Variants in SACS observed in about 807,000 individuals in gnomAD.
SACS encodes sacsin.
A neutral mutation model predicts 348.0 loss-of-function variants in SACS; 197 were observed. That is an observed-to-expected ratio of 0.57 (90% CI 0.50 to 0.64). The LOEUF is 0.64. Ranked by LOEUF, SACS falls within the 30% of genes least tolerant of loss-of-function variation. The probability of loss-of-function intolerance (pLI) is 0.00; values close to 1 mark genes in which losing one functional copy is unlikely to be tolerated. For synonymous variants in SACS, 1,985 were observed against 1,910.6 expected, an observed-to-expected ratio of 1.04 and a Z score of -1.02; for missense variants, 4,999 against 5,360.8, an observed-to-expected ratio of 0.93 and a Z score of 2.11.
Position 23,341,653 on chromosome 13 carries a change from T to G in SACS, c.2223A>C (p.Glu741Asp). 1 of 1,613,422 alleles carries G rather than the reference T, an allele frequency of 6.2e-7. No homozygotes were observed. The highest frequency in any genetic ancestry group is 1.1e-5 in the South Asian group (1 of 91,082). ...CTTCCTTGATAAGACGTGCAAATCG[T>G]TCTGGATTTAGAAGCTGCAGCTGAG... The part of the protein sequence containing the change: ...PCTQLQLLNP[E>D]RFARLIKEVM... The change falls in exon 10 of 10, where the codon GAA becomes GAC. Residue 741 changes from glutamate (E) to aspartate (D), a missense_variant. By Grantham distance (45) the Glu-to-Asp change is conservative (BLOSUM62 2). Coordinates refer to ENST00000382292, the MANE Select transcript of SACS (RefSeq NM_014363.6).
chr13:23,335,889 G>A lies in SACS; in HGVS notation c.7987C>T (p.Pro2663Ser). ...TCCAAATCTCTAAACATGCGTCCGG[G>A]ACTAATGGATGTGGCCCCTGGTGCA... ...RYAPGATSIS[P>S]GRMFRDLDAD... Residue 2663 changes from proline (P) to serine (S), a missense_variant, in exon 10 of 10, where the codon CCC becomes TCC. Transcript: ENST00000382292. The surrounding 1 kb of genome is among the most constrained non-coding windows in gnomAD (Gnocchi z 4.7). The A allele has an allele frequency of 6.2e-7, 1 of 1,613,662 alleles. No homozygotes were observed. The highest frequency in any genetic ancestry group is 1.1e-5 in the South Asian group (1 of 91,068).
chr13:23,393,624 A>G (rs752241494), intron 2 of SACS, among the ~76,000 whole-genome samples: 7 of 152,014 alleles, frequency 4.6e-5, no homozygotes, highest in African/African-American at 7.2e-5. Flanking sequence ...TCAAAAACCT[A>G]TATTTCTTCT....
chr13:23,413,562 A>G (rs1873583969), intron 1 of SACS, among the ~76,000 whole-genome samples: 1 of 152,168 alleles, frequency 6.6e-6, no homozygotes, highest in Non-Finnish European at 1.5e-5. Flanking sequence ...ACAATGTTTC[A>G]TTGTGGGGAA....
At chr13:23,345,544 G>GT (rs1869542850) in intron 9 of SACS, among the ~76,000 whole-genome samples, 1 of 152,170 alleles carries the variant, frequency 6.6e-6, no homozygotes. Flanking sequence ...TAACCAGACA[G>GT]TACCAGGGCA....
In SACS at chr13:23,337,905, C is replaced by T. The variant is rs191995849; in HGVS notation, c.5971G>A (p.Val1991Ile). Reference protein sequence around the residue: ...DGSTWVSMKNVRFLDDSILKR... With the variant: ...DGSTWVSMKNIRFLDDSILKR... ...AGTATAGAGTCATCTAGAAATCTTA[C>T]GTTCTTCATGGAAACCCAAGTAGAT... is the stretch of plus-strand genomic sequence containing the variant. The change falls in exon 10 of 10, where the codon GTA (valine) becomes ATA (isoleucine). Residue 1991 changes from valine to isoleucine, a missense_variant. By Grantham distance (29) the Val-to-Ile change is conservative. This residue lies in a region of SACS where 3,156 missense variants were observed against 3,380.1 expected (regional missense o/e 0.93). Coordinates refer to ENST00000382292, the MANE Select transcript of SACS (RefSeq NM_014363.6). The T allele has an allele frequency of 2.6e-5, 42 of 1,613,928 alleles. 1 individual carries two copies. In the Admixed American group the frequency reaches 4.7e-4, roughly 18 times the overall value.
intron 2 of SACS, among the ~76,000 whole-genome samples, chr13:23,402,806 A>G (rs1446261128): frequency 6.6e-6 from 1 of 152,198 alleles, no homozygotes; most frequent in Non-Finnish European, 1.5e-5. Context: ...AGAGGAATTC[A>G]CCCAAATATA....
intron 9 of SACS, among the ~76,000 whole-genome samples, chr13:23,346,397 GC>G (rs2137669861): frequency 6.6e-6 from 1 of 152,248 alleles, no homozygotes; most frequent in East Asian, 1.9e-4. Context: ...ACCTGCCTCT[GC>G]CTCCCAAAAT....
At chr13:23,364,763 C>T (rs1307892892) in intron 6 of SACS, among the ~76,000 whole-genome samples, 2 of 152,184 alleles carry the variant, frequency 1.3e-5, no homozygotes, top group Non-Finnish European at 2.9e-5. Flanking sequence ...TTTCTTCCCA[C>T]CCAACTTCCA....
intron 7 of SACS, among the ~76,000 whole-genome samples, chr13:23,357,512 AC>A (rs1278698061): frequency 4.6e-5 from 7 of 152,072 alleles, no homozygotes; most frequent in African/African-American, 1.4e-4. Flanking sequence ...GAATAGTACC[AC>A]CCTCCTTCAC....
chr13:23,392,217 A>C (rs1872554132), intron 2 of SACS, among the ~76,000 whole-genome samples: 1 of 152,124 alleles, frequency 6.6e-6, no homozygotes, highest in Admixed American at 6.5e-5. Context: ...CTCTCTTTCC[A>C]TCTTGCATTT....
chr13:23,353,465 C>T (rs750149435), intron 9 of SACS, among the ~76,000 whole-genome samples: 8 of 152,148 alleles, frequency 5.3e-5, no homozygotes, highest in African/African-American at 1.9e-4. Flanking sequence ...AAACAAGCTA[C>T]AAGTTATGCT....
chr13:23,390,507 A>T (rs554168183), intron 2 of SACS, among the ~76,000 whole-genome samples: 1 of 152,218 alleles, frequency 6.6e-6, no homozygotes, highest in African/African-American at 2.4e-5. Flanking sequence ...AAAAAATATA[A>T]AAATTAGCTG....
Position 23,338,677 on chromosome 13 carries a change from T to C in SACS, c.5199A>G (p.Lys1733=). The C allele has an allele frequency of 3.1e-6, 5 of 1,614,116 alleles. No homozygotes were observed. The highest frequency in any genetic ancestry group is 4.2e-6 in the Non-Finnish European group (5 of 1,179,998). ...ALNTPVLSVL[K]EAAKLMKTCS... is the part of the protein sequence containing the mutation. ...AAGTCTTCATGAGCTTAGCAGCCTC[T>C]TTTAAAACACTTAAGACAGGTGTGT... Residue 1733 remains lysine, a synonymous_variant, in exon 10 of 10, where the codon AAA becomes AAG. Coordinates refer to ENST00000382292, the MANE Select transcript of SACS (RefSeq NM_014363.6).
At chr13:23,401,214 C>G (rs1377410866) in intron 2 of SACS, among the ~76,000 whole-genome samples, 4 of 152,166 alleles carry the variant, frequency 2.6e-5, no homozygotes, top group African/African-American at 9.7e-5. Context: ...CAGGAAAACT[C>G]AAGCTGGGAA....
chr13:23,429,305 C>G (rs1216478176), intron 1 of SACS, among the ~76,000 whole-genome samples: 3 of 139,602 alleles, frequency 2.1e-5, no homozygotes, highest in African/African-American at 5.2e-5. Context: ...ACAACCATGG[C>G]AGAGGCTCAC....
chr13:23,389,552 T>C (rs145152238), intron 2 of SACS, among the ~76,000 whole-genome samples: 44 of 152,358 alleles, frequency 2.9e-4, no homozygotes, highest in African/African-American at 7.9e-4. Flanking sequence ...GCAAAGTACA[T>C]GTGCTCTACT....
rs562545712 is a variant in SACS at position 23,353,379 on chromosome 13, C to T, written c.2185+406G>A. The stretch of plus-strand genomic sequence containing the variant: ...AGGGCAAGTGGAAGACCTGACCTCT[C>T]GGCACTTGGCTGGTGGTCTTGATCT... On this transcript the variant is annotated intron_variant, in intron 9 of 9. Coordinates refer to ENST00000382292, the MANE Select transcript of SACS (RefSeq NM_014363.6). Among the ~76,000 whole-genome samples the T allele has an allele frequency of 1.7e-3, 255 of 152,320 alleles. 2 individuals carry two copies. Among genetic ancestry groups the T allele is most frequent in the African/African-American group, 5.8e-3 (243 of 41,578 alleles).
chr13:23,362,939 C>T (rs890957232), intron 6 of SACS, among the ~76,000 whole-genome samples: 10 of 151,048 alleles, frequency 6.6e-5, no homozygotes, highest in African/African-American at 1.2e-4. Context: ...GACAGAGTTT[C>T]GCCCTTGTTG....
rs774492331 is a variant in SACS, at chr13:23,337,946, T to C, written c.5930A>G (p.Lys1977Arg). The change falls in exon 10 of 10, where the codon AAA becomes AGA. Residue 1977 changes from lysine (K) to arginine (R), a missense_variant. Physicochemically the swap from Lys to Arg is conservative, Grantham distance 26 (BLOSUM62 2). Coordinates refer to ENST00000382292, the MANE Select transcript of SACS (RefSeq NM_014363.6). ...IAHGKGKELT[K>R]VFSDGSTWVS... ...CCAAGTAGATCCATCAGAGAAGACT[T>C]TGGTCAGTTCTTTCCCTTTTCCATG... 63 of 1,613,934 alleles carry C rather than the reference T, an allele frequency of 3.9e-5. 1 individual carries two copies. The highest frequency in any genetic ancestry group is 8.9e-5 in the East Asian group (4 of 44,884).
Sources: gnomAD v4.1 joint callset for allele counts (sites outside exome capture counted in the v4.1 genomes callset) on GRCh38, gnomAD v4.1.1 for gene constraint, gnomAD v4.1.1 regional missense constraint, Gnocchi (gnomAD v3.1) non-coding constraint, MANE v1.5 for transcripts, NCBI Gene and HGNC (gene_info 2026-07-23, HGNC 2026-07-21) for gene names.